GRIA1: variants seen among roughly 807,000 people sequenced by gnomAD.
GRIA1 encodes glutamate ionotropic receptor AMPA type subunit 1, also known as glutamate receptor 1.
GRIA1 carries 31 observed loss-of-function variants against 99.2 expected under a neutral mutation model. That is an observed-to-expected ratio of 0.31 (90% CI 0.23 to 0.42). The LOEUF (loss-of-function observed/expected upper bound fraction) is 0.42, where lower values mean the gene tolerates loss of function less well. Ranked by LOEUF, GRIA1 falls within the 10% of genes least tolerant of loss-of-function variation. The pLI is 1.00. For synonymous variants in GRIA1, 438 were observed against 432.4 expected (o/e 1.01, Z -0.16); for missense variants, 782 against 1,157.5 (o/e 0.68, Z 4.71).
intron 2 of GRIA1, among the ~76,000 whole-genome samples, chr5:153,510,616 G>A (rs1015525674): frequency 6.6e-6 from 1 of 152,156 alleles, no homozygotes; most frequent in African/African-American, 2.4e-5. Flanking sequence ...TGGAAAAATA[G>A]GCTGGGTTCA....
chr5:153,719,619 T>A (rs36124507), intron 11 of GRIA1, among the ~76,000 whole-genome samples: 13,052 of 152,024 alleles, frequency 0.086, 780 homozygotes, highest in Non-Finnish European at 0.12. Flanking sequence ...AGGCAGAAGC[T>A]GTATCACCTT....
intron 2 of GRIA1, among the ~76,000 whole-genome samples, chr5:153,646,035 A>G (rs1024331937): frequency 2.6e-5 from 4 of 152,218 alleles, no homozygotes; most frequent in Non-Finnish European, 2.9e-5. Context: ...ATAGTAAAAC[A>G]AAGTTTAGGA....
chr5:153,627,410 G>A (rs1196383334), intron 2 of GRIA1, among the ~76,000 whole-genome samples: 1 of 152,102 alleles, frequency 6.6e-6, no homozygotes, highest in Non-Finnish European at 1.5e-5. Flanking sequence ...TAACCACTCA[G>A]GTGTCTAGCC....
chr5:153,530,594 G>A (rs372497667), intron 2 of GRIA1, among the ~76,000 whole-genome samples: 7 of 152,198 alleles, frequency 4.6e-5, no homozygotes, highest in East Asian at 1.9e-4. Context: ...GATAGTTTCC[G>A]CTGTGCTGTT....
chr5:153,707,336 G>A (rs1758971295), intron 11 of GRIA1, among the ~76,000 whole-genome samples: 1 of 152,160 alleles, frequency 6.6e-6, no homozygotes, highest in African/African-American at 2.4e-5. Context: ...GACAGGAGAT[G>A]GGGGTGAGGA....
chr5:153,609,431 T>C (rs1211760277), intron 2 of GRIA1, among the ~76,000 whole-genome samples: 1 of 77,352 alleles, frequency 1.3e-5, no homozygotes, highest in African/African-American at 3.8e-5. Context: ...ATGTCCACAA[T>C]AGGCTGAAAA....
Position 153,727,220 on chromosome 5 carries a change from T to C in GRIA1, c.1823+21153T>C, listed in dbSNP as rs185094307. ...CTAAAAACTATCAATAAATTAGGTA[T>C]TGATGGGACGTATCTCAAAATAATA... On this transcript the variant is annotated intron_variant, in intron 11 of 15. Coordinates refer to ENST00000285900, the MANE Select transcript of GRIA1 (RefSeq NM_000827.4). Among the ~76,000 whole-genome samples the C allele has an allele frequency of 1.7e-4, 26 of 152,326 alleles. No homozygotes were observed. In the East Asian group the frequency reaches 4.2e-3, roughly 25 times the overall value.
chr5:153,563,395 G>A (rs1270055514), intron 2 of GRIA1, among the ~76,000 whole-genome samples: 1 of 152,088 alleles, frequency 6.6e-6, no homozygotes, highest in African/African-American at 2.4e-5. Flanking sequence ...TTCTCTAAGT[G>A]TTCAGAAACA....
chr5:153,677,798 C>T (rs1157584706), intron 7 of GRIA1, among the ~76,000 whole-genome samples: 1 of 152,200 alleles, frequency 6.6e-6, no homozygotes, highest in Non-Finnish European at 1.5e-5. Context: ...CAGCATGAGA[C>T]AGTGGTACAT....
chr5:153,737,290 TAAAAAA>T (rs35443126), intron 11 of GRIA1, among the ~76,000 whole-genome samples: 1 of 74,076 alleles, frequency 1.3e-5, no homozygotes, highest in Non-Finnish European at 2.6e-5. Context: ...GCAACCCCGG[TAAAAAA>T]AAAAAAAAAA....
chr5:153,792,277 G>A (rs981372423), intron 13 of GRIA1, among the ~76,000 whole-genome samples: 8 of 152,152 alleles, frequency 5.3e-5, no homozygotes, highest in African/African-American at 1.2e-4. Context: ...TGTGAGGACC[G>A]TCTACTTTCT....
In GRIA1 at chr5:153,527,975, G is replaced by C. The variant is rs115633041; in HGVS notation, c.220+33910G>C. Reference sequence around the variant, plus strand: ...TTAGTGCACACAATTACCAACCATAGTTATATACATTTGTAAATTTTACTT... The same window carrying C: ...TTAGTGCACACAATTACCAACCATACTTATATACATTTGTAAATTTTACTT... On this transcript the variant is annotated intron_variant, in intron 2 of 15. Coordinates refer to ENST00000285900, the MANE Select transcript of GRIA1 (RefSeq NM_000827.4). Among the ~76,000 whole-genome samples, 405 of 152,174 alleles carry C rather than the reference G, an allele frequency of 2.7e-3. 1 individual carries two copies. Among genetic ancestry groups the C allele is most frequent in the African/African-American group, 9.5e-3 (393 of 41,522 alleles).
At chr5:153,761,232 G>A (rs751536956) in intron 11 of GRIA1, among the ~76,000 whole-genome samples, 1 of 152,090 alleles carries the variant, frequency 6.6e-6, no homozygotes, top group Non-Finnish European at 1.5e-5. Flanking sequence ...ACAGGGTGAA[G>A]AAACAAGCTA....
chr5:153,727,199 A>C (rs1010248267), intron 11 of GRIA1, among the ~76,000 whole-genome samples: 3 of 152,224 alleles, frequency 2.0e-5, no homozygotes, highest in African/African-American at 7.2e-5. Context: ...TTCATGCTAA[A>C]AACTATCAAT....
At chr5:153,676,928 C>T in intron 6 of GRIA1, 66 bp from the exon 7 acceptor site, 1 of 1,274,556 alleles carries the variant, frequency 7.8e-7, no homozygotes, top group Middle Eastern at 2.2e-4. Context: ...TTCCCAAATA[C>T]AGCACCCAAA....
rs142723280 is a variant in GRIA1, at chr5:153,579,140, C to G, written c.221-67788C>G. Reference sequence around the variant, plus strand: ...GCTTTATAAACTGTAAAGGGCCATGCAAGTATAAAGTATTACCAATAACCA... The same window carrying G: ...GCTTTATAAACTGTAAAGGGCCATGGAAGTATAAAGTATTACCAATAACCA... On this transcript the variant is annotated intron_variant, in intron 2 of 15. Transcript: ENST00000285900. 6.9e-3 allele frequency among the ~76,000 whole-genome samples: 1,050 copies of G among 151,464 alleles called. 12 individuals carry two copies. Among genetic ancestry groups the G allele is most frequent in the Middle Eastern group, 0.024 (7 of 292 alleles).
chr5:153,667,361 A>G (rs888782975), intron 5 of GRIA1, among the ~76,000 whole-genome samples: 1 of 152,212 alleles, frequency 6.6e-6, no homozygotes, highest in African/African-American at 2.4e-5. Context: ...AGAATCCCAG[A>G]GCAAAGGAAA....
chr5:153,773,979 C>A (rs1262899387), intron 13 of GRIA1, among the ~76,000 whole-genome samples: 1 of 151,988 alleles, frequency 6.6e-6, no homozygotes, highest in Non-Finnish European at 1.5e-5. Flanking sequence ...ACACTGCTAG[C>A]AACCAATAAT....
intron 5 of GRIA1, among the ~76,000 whole-genome samples, chr5:153,658,040 G>C (rs1276371433): frequency 6.6e-6 from 1 of 152,052 alleles, no homozygotes; most frequent in East Asian, 1.9e-4. Flanking sequence ...TGTTTATAGG[G>C]AAACAACCAG....
Sources: gnomAD v4.1 joint callset for allele counts (sites outside exome capture counted in the v4.1 genomes callset) on GRCh38, gnomAD v4.1.1 for gene constraint, MANE v1.5 for transcripts, NCBI Gene and HGNC (gene_info 2026-07-23, HGNC 2026-07-21) for gene names.